NAV2: variants seen among roughly 807,000 people sequenced by gnomAD.
NAV2 encodes helicase, APC down-regulated 1.
In NAV2, 54 loss-of-function variants were observed where a neutral mutation model predicts 223.2. The ratio of observed to expected loss-of-function variants is 0.24; its 90% CI spans 0.19 to 0.30. The LOEUF is 0.30. NAV2 is among the 10% of genes least tolerant of loss of function. NAV2 has a pLI of 1.00. For synonymous variants in NAV2, 1,279 were observed against 1,239.3 expected (o/e 1.03, Z -0.67); for missense variants, 2,806 against 3,147.5 (o/e 0.89, Z 2.60).
intron 1 of NAV2, among the ~76,000 whole-genome samples, chr11:19,705,762 C>A (rs2152293822): frequency 6.6e-6 from 1 of 152,278 alleles, no homozygotes; most frequent in African/African-American, 2.4e-5. Flanking sequence ...GGCTTTGTTG[C>A]TATTTTGGGA....
At chr11:20,029,069 G>A (rs1018072117) in intron 11 of NAV2, among the ~76,000 whole-genome samples, 2 of 152,212 alleles carry the variant, frequency 1.3e-5, no homozygotes, top group African/African-American at 4.8e-5. Flanking sequence ...AGAAAATGGA[G>A]TTACCTGTTC....
intron 1 of NAV2, among the ~76,000 whole-genome samples, chr11:19,484,460 A>G (rs1211722228): frequency 2.6e-5 from 4 of 152,216 alleles, no homozygotes; most frequent in African/African-American, 7.2e-5. Context: ...AGCTTAGCCA[A>G]CTGACACTTC....
intron 1 of NAV2, among the ~76,000 whole-genome samples, chr11:19,547,996 AG>A (rs2044559603): frequency 6.6e-6 from 1 of 152,198 alleles, no homozygotes; most frequent in Non-Finnish European, 1.5e-5. Context: ...AGCCTGCAAG[AG>A]GTTAAATAAC....
chr11:19,377,313 C>T (rs963117869), intron 1 of NAV2, among the ~76,000 whole-genome samples: 63 of 152,176 alleles, frequency 4.1e-4, no homozygotes, highest in African/African-American at 1.4e-3. Flanking sequence ...GCTGGCCATG[C>T]CTTCTTATAA....
At chr11:19,923,570 T>C (rs1398699372) in intron 6 of NAV2, among the ~76,000 whole-genome samples, 3 of 152,172 alleles carry the variant, frequency 2.0e-5, no homozygotes, top group South Asian at 2.1e-4. Flanking sequence ...AGCAGAAAGA[T>C]TGGGCTGGGC....
chr11:19,695,816 A>C (rs1169381910), intron 1 of NAV2, among the ~76,000 whole-genome samples: 1 of 151,772 alleles, frequency 6.6e-6, no homozygotes, highest in African/African-American at 2.4e-5. Context: ...AGGCAGGAGA[A>C]TCACTTGAAC....
chr11:19,420,774 G>A (rs750880807), intron 1 of NAV2, among the ~76,000 whole-genome samples: 5 of 152,184 alleles, frequency 3.3e-5, no homozygotes, highest in Non-Finnish European at 7.3e-5. Context: ...AGCATGAGGG[G>A]GCTTCTAGGA....
intron 1 of NAV2, among the ~76,000 whole-genome samples, chr11:19,362,362 T>A (rs1590052520): frequency 6.6e-6 from 1 of 152,224 alleles, no homozygotes; most frequent in East Asian, 1.9e-4. Context: ...TGTCTTTAAA[T>A]TGACTCATTT....
Position 19,366,819 on chromosome 11 carries a change from T to A in NAV2, c.75+15792T>A, listed in dbSNP as rs551235512. Among the ~76,000 whole-genome samples the A allele has an allele frequency of 4.1e-3, 621 of 152,304 alleles. 2 individuals are homozygous for A. Among genetic ancestry groups the A allele is most frequent in the Non-Finnish European group, 6.4e-3 (436 of 68,030 alleles). On this transcript the variant is annotated intron_variant, in intron 1 of 37. Transcript: ENST00000360655. ...ATGTGCATAGTGAGATCTGGACACA[T>A]GGCAGCCACTTGCTGTCCCTTCCCC... is the stretch of plus-strand genomic sequence containing the variant.
intron 17 of NAV2, among the ~76,000 whole-genome samples, chr11:20,053,613 A>T (rs143593725): frequency 6.6e-6 from 1 of 152,252 alleles, no homozygotes; most frequent in African/African-American, 2.4e-5. Context: ...GTGTCCTCAA[A>T]CCTTGCTTTG....
chr11:19,662,768 G>A (rs1369113291), intron 1 of NAV2, among the ~76,000 whole-genome samples: 1 of 152,206 alleles, frequency 6.6e-6, no homozygotes, highest in Non-Finnish European at 1.5e-5. Context: ...ACCCATGCCT[G>A]AGACACTGAA....
At chr11:19,789,605 G>A (rs1270972198) in intron 1 of NAV2, among the ~76,000 whole-genome samples, 2 of 152,178 alleles carry the variant, frequency 1.3e-5, no homozygotes, top group Admixed American at 6.5e-5. Context: ...GTACAGAGAC[G>A]GTATATTCAG....
chr11:19,773,496 C>T (rs564648513), intron 1 of NAV2, among the ~76,000 whole-genome samples: 1 of 152,194 alleles, frequency 6.6e-6, no homozygotes, highest in Non-Finnish European at 1.5e-5. Flanking sequence ...AAGAGGACAA[C>T]AGCTGGAAGG....
In NAV2 at chr11:19,893,556, C is replaced by T. The variant is rs1218282966; in HGVS notation, c.931+962C>T. Among the ~76,000 whole-genome samples the T allele has an allele frequency of 3.3e-5, 5 of 152,194 alleles. No homozygotes were observed. In the East Asian group the frequency reaches 9.6e-4, roughly 29 times the overall value. ...CTGGGAACCGCCGCCATTTTCTCCT[C>T]TAACTCAGAGTCACTTGATGCAGTG... On this transcript the variant is annotated intron_variant, in intron 6 of 37. Coordinates refer to ENST00000349880, the MANE Select transcript of NAV2 (RefSeq NM_145117.5).
rs771544157 is a variant in NAV2 at position 19,941,667 on chromosome 11, C to T, written c.2146+1894C>T. 4.5e-4 allele frequency among the ~76,000 whole-genome samples: 68 copies of T among 152,124 alleles called. 2 individuals are homozygous for T. The highest frequency in any genetic ancestry group is 7.8e-4 in the Non-Finnish European group (53 of 68,026). Reference sequence around the variant, plus strand: ...ATCTTGCATGATAGAATTGAAGGAACCACACACACCTGCTTATCATACTGC... The same window carrying T: ...ATCTTGCATGATAGAATTGAAGGAATCACACACACCTGCTTATCATACTGC... On this transcript the variant is annotated intron_variant, in intron 8 of 37. Coordinates refer to ENST00000349880, the MANE Select transcript of NAV2 (RefSeq NM_145117.5).
intron 11 of NAV2, among the ~76,000 whole-genome samples, chr11:20,017,533 C>A (rs75968067): frequency 6.6e-6 from 1 of 152,188 alleles, no homozygotes; most frequent in Non-Finnish European, 1.5e-5. Context: ...TTTCTGTCAT[C>A]ACTTTCCCCG....
At chr11:19,441,259 G>A (rs960469998) in intron 1 of NAV2, among the ~76,000 whole-genome samples, 1 of 152,230 alleles carries the variant, frequency 6.6e-6, no homozygotes, top group Non-Finnish European at 1.5e-5. Context: ...TGGGTCTAGA[G>A]CCTGGAGGAG....
intron 1 of NAV2, among the ~76,000 whole-genome samples, chr11:19,759,591 C>A (rs1197412949): frequency 6.6e-6 from 1 of 152,200 alleles, no homozygotes; most frequent in East Asian, 1.9e-4. Context: ...AGGCCAGGAA[C>A]AACATGGAGC....
intron 11 of NAV2, among the ~76,000 whole-genome samples, chr11:20,002,338 G>C (rs573898061): frequency 2.6e-5 from 4 of 152,294 alleles, no homozygotes; most frequent in African/African-American, 9.6e-5. Flanking sequence ...TGGGGACACA[G>C]AGGCCTGGAG....
Sources: gnomAD v4.1 joint callset for allele counts (sites outside exome capture counted in the v4.1 genomes callset) on GRCh38, gnomAD v4.1.1 for gene constraint, MANE v1.5 for transcripts, NCBI Gene and HGNC (gene_info 2026-07-23, HGNC 2026-07-21) for gene names.